The following CLASP1 variants were observed in gnomAD, a reference collection of about 807,000 sequenced individuals.
CLASP1 encodes the protein CLIP-associating protein 1.
In CLASP1, 38 loss-of-function variants were observed where a neutral mutation model predicts 192.3. The ratio of observed to expected loss-of-function variants is 0.20; its 90% confidence interval spans 0.15 to 0.26. CLASP1 has a LOEUF of 0.26. Ranked by LOEUF, CLASP1 falls within the 10% of genes least tolerant of loss-of-function variation. The pLI is 1.00. For missense variants in CLASP1, 1,433 were observed against 1,932.5 expected (o/e 0.74, Z 4.85); for synonymous variants, 691 against 712.8 (o/e 0.97, Z 0.49).
intron 2 of CLASP1, among the ~76,000 whole-genome samples, chr2:121,572,898 A>C (rs1163469594): frequency 6.6e-6 from 1 of 152,160 alleles, no homozygotes; most frequent in Non-Finnish European, 1.5e-5. Context: ...AGGGTATTAA[A>C]TCTAGCTTGG....
At chr2:121,479,010 CACACA>C (rs2092323989) in intron 8 of CLASP1, among the ~76,000 whole-genome samples, 1 of 89,832 alleles carries the variant, frequency 1.1e-5, no homozygotes, top group Non-Finnish European at 2.2e-5. Flanking sequence ...ACACCACACA[CACACA>C]CCACACACAC....
At chr2:121,359,086 T>C (rs1316541021) in intron 37 of CLASP1, among the ~76,000 whole-genome samples, 1 of 152,256 alleles carries the variant, frequency 6.6e-6, no homozygotes, top group Non-Finnish European at 1.5e-5. Flanking sequence ...GGGTACTATA[T>C]GCACATCACA....
At chr2:121,554,867 T>C (rs116743113) in intron 2 of CLASP1, among the ~76,000 whole-genome samples, 11 of 152,338 alleles carry the variant, frequency 7.2e-5, no homozygotes, top group African/African-American at 2.6e-4. Flanking sequence ...AATTTTATGG[T>C]ATATAAATTA....
At chr2:121,579,422 T>C (rs1157914694) in intron 2 of CLASP1, among the ~76,000 whole-genome samples, 14 of 152,220 alleles carry the variant, frequency 9.2e-5, no homozygotes, top group Admixed American at 9.2e-4. Flanking sequence ...CCATCACCAC[T>C]AATTCTAAAA....
intron 1 of CLASP1, among the ~76,000 whole-genome samples, chr2:121,609,855 C>G (rs1359316251): frequency 6.6e-6 from 1 of 152,142 alleles, no homozygotes; most frequent in Non-Finnish European, 1.5e-5. Context: ...GCAGGAGAAT[C>G]GCTTGAAGCA....
intron 8 of CLASP1, among the ~76,000 whole-genome samples, chr2:121,473,082 TA>T (rs993989792): frequency 9.2e-5 from 14 of 151,514 alleles, no homozygotes; most frequent in Admixed American, 1.3e-4. Context: ...AGAGAAGCCT[TA>T]AAAAAAAATT....
At chr2:121,344,358 G>A (rs1403664895) in intron 39 of CLASP1, among the ~76,000 whole-genome samples, 1 of 151,452 alleles carries the variant, frequency 6.6e-6, no homozygotes, top group Non-Finnish European at 1.5e-5. Context: ...TTGAGACAGA[G>A]TTTCGCTCTG....
intron 33 of CLASP1, among the ~76,000 whole-genome samples, chr2:121,380,344 AC>A (rs1034027857): frequency 6.9e-4 from 105 of 152,052 alleles, no homozygotes; most frequent in African/African-American, 2.3e-3. Context: ...CCCTGAGACA[AC>A]CCCAGGACAT....
At chr2:121,409,075 G>C in intron 24 of CLASP1, 1 of 1,546,658 alleles carries the variant, frequency 6.5e-7, no homozygotes, top group Non-Finnish European at 8.8e-7. Flanking sequence ...TTGAAGGATG[G>C]GGAAAAAGCA....
At chr2:121,534,321 G>C (rs2094982277) in intron 2 of CLASP1, among the ~76,000 whole-genome samples, 3 of 152,296 alleles carry the variant, frequency 2.0e-5, no homozygotes, top group Middle Eastern at 6.8e-3. Context: ...GAGTGAGTTG[G>C]AAATAAAACA....
chr2:121,594,903 A>AT (rs1376837715), intron 2 of CLASP1, among the ~76,000 whole-genome samples: 2 of 150,228 alleles, frequency 1.3e-5, no homozygotes, highest in Non-Finnish European at 2.9e-5. Flanking sequence ...ATACATGAAA[A>AT]TTTTTTTAAC....
chr2:121,355,216 T>C (rs2065174755), intron 37 of CLASP1, among the ~76,000 whole-genome samples: 1 of 152,162 alleles, frequency 6.6e-6, no homozygotes, highest in Admixed American at 6.5e-5. Flanking sequence ...TGGCGCCATC[T>C]TGGTGGGTTC....
chr2:121,357,122 T>C (rs921599205), intron 37 of CLASP1, among the ~76,000 whole-genome samples: 8 of 152,328 alleles, frequency 5.3e-5, no homozygotes, highest in Non-Finnish European at 1.0e-4. Context: ...AGCACAAATA[T>C]AGACGGATTC....
chr2:121,440,488 C>T (rs539985793), intron 19 of CLASP1, among the ~76,000 whole-genome samples: 14 of 152,264 alleles, frequency 9.2e-5, no homozygotes, highest in African/African-American at 3.4e-4. Context: ...TCACTTGAGT[C>T]CAGGAGTTCG....
chr2:121,616,541 G>A (rs2106050182), intron 1 of CLASP1, among the ~76,000 whole-genome samples: 2 of 152,308 alleles, frequency 1.3e-5, no homozygotes, highest in South Asian at 4.2e-4. Flanking sequence ...AAGAAGGTAT[G>A]GTAGTTTCAT....
chr2:121,531,114 A>C (rs1029812895), intron 2 of CLASP1: 4 of 635,202 alleles, frequency 6.3e-6, no homozygotes, highest in Non-Finnish European at 1.2e-5. Flanking sequence ...GCGTGGTTTT[A>C]GTGTCGCAAG....
chr2:121,543,776 A>G (rs1316180766), intron 2 of CLASP1, among the ~76,000 whole-genome samples: 4 of 152,254 alleles, frequency 2.6e-5, no homozygotes, highest in Admixed American at 6.5e-5. Context: ...CTCTCCAAAA[A>G]GACCACAAAC....
At chr2:121,407,579 G>C (rs1229218104) in exon 25 of CLASP1, 1 of 1,613,960 alleles carries the variant, frequency 6.2e-7, no homozygotes, top group East Asian at 2.2e-5. Context: ...TACATCCTCA[G>C]TCTGCCGCAG....
rs149562321 is a variant in CLASP1 at position 121,451,066 on chromosome 2, A to T, written c.1446-76T>A. The T allele has an allele frequency of 5.6e-3, 5,751 of 1,023,792 alleles. 25 individuals carry two copies. The highest frequency in any genetic ancestry group is 7.4e-3 in the Non-Finnish European group (4,914 of 662,542). 63.4% of individuals were successfully genotyped at this position (1,023,792 alleles called of 1,614,324 possible). ...GCAAGTGAAACCAGGTGGGAGAAATAACTTCCAAATGGCAACATGGAGCTG... is the reference window on the plus strand; with the variant it reads ...GCAAGTGAAACCAGGTGGGAGAAATTACTTCCAAATGGCAACATGGAGCTG... On this transcript the variant is annotated intron_variant, in intron 15 of 39. Coordinates refer to ENST00000263710, the Ensembl canonical transcript of CLASP1.
Sources: allele counts gnomAD v4.1 joint callset (sites outside exome capture counted in the v4.1 genomes callset), GRCh38; gene constraint gnomAD v4.1.1; transcripts MANE v1.5; gene names NCBI Gene and HGNC (gene_info 2026-07-23, HGNC 2026-07-21).